SERPINE3: variants seen among roughly 807,000 people sequenced by gnomAD.
SERPINE3 encodes the protein serpin family E member 3, also known as serpin E3.
SERPINE3 carries 43 observed loss-of-function variants against 41.7 expected under a neutral mutation model. That is an observed-to-expected ratio of 1.03 (90% CI 0.81 to 1.33). The LOEUF (loss-of-function observed/expected upper bound fraction) is 1.33. Ranked by LOEUF, SERPINE3 falls within the 40% of genes most tolerant of loss-of-function variation. The probability of loss-of-function intolerance (pLI) is 0.00; values close to 1 mark genes in which losing one functional copy is unlikely to be tolerated. For synonymous variants in SERPINE3, 200 were observed against 192.2 expected, an observed-to-expected ratio of 1.04 and a Z score of -0.34; for missense variants, 440 against 491.7, an observed-to-expected ratio of 0.89 and a Z score of 0.99.
At chr13:51,347,791 T>C (rs1257534216) in intron 5 of SERPINE3, among the ~76,000 whole-genome samples, 6 of 152,190 alleles carry the variant, frequency 3.9e-5, no homozygotes, top group Admixed American at 3.3e-4. Context: ...CTGTCTACAG[T>C]ATGCCCGTTG....
chr13:51,364,248 T>G lies in SERPINE3; in HGVS notation c.1181T>G (p.Phe394Cys). The stretch of plus-strand genomic sequence containing the variant: ...TTCTTTTTCTTGACAGGGTTTGTCT[T>G]CAGTATTGGGAGAGTTTCAAATCCC... Reference protein sequence around the residue: ...FLREPNTGFVFSIGRVSNPLD With the variant: ...FLREPNTGFVCSIGRVSNPLD Residue 394 changes from phenylalanine to cysteine, a missense_variant, in exon 10 of 10, where the codon TTC (phenylalanine) becomes TGC (cysteine). By Grantham distance (205) the Phe-to-Cys change is radical. Coordinates refer to ENST00000681248, the MANE Select transcript of SERPINE3 (RefSeq NM_001386375.1). 1 of 1,458,922 alleles carries G rather than the reference T, an allele frequency of 6.9e-7. No individual in the cohort carries two copies. Among genetic ancestry groups the G allele is most frequent in the Non-Finnish European group, 9.2e-7 (1 of 1,086,400 alleles). 90.4% of individuals were successfully genotyped at this position (1,458,922 alleles called of 1,614,324 possible). A position where few individuals can be genotyped will look rare whatever the true frequency, so the allele number is the denominator to read the frequency against.
rs761990528 is a variant in SERPINE3, at chr13:51,347,189, G to A, written c.655G>A (p.Val219Ile). 1.9e-5 allele frequency: 30 copies of A among 1,613,862 alleles called. No homozygotes were observed. The highest frequency in any genetic ancestry group is 3.3e-5 in the South Asian group (3 of 91,062). Residue 219 changes from valine to isoleucine, a missense_variant, in exon 5 of 10, where the codon GTC (valine) becomes ATC (isoleucine). By Grantham distance (29) the Val-to-Ile change is conservative. Coordinates refer to ENST00000681248, the MANE Select transcript of SERPINE3 (RefSeq NM_001386375.1). ...ILPFTCAYGL[V>I]LQVPMMHQTT... Reference sequence around the variant, plus strand: ...GCCTTTCACCTGTGCCTATGGCCTCGTCCTTCAGGTCCCCATGATGCACCA... The same window carrying A: ...GCCTTTCACCTGTGCCTATGGCCTCATCCTTCAGGTCCCCATGATGCACCA...
intron 6 of SERPINE3, among the ~76,000 whole-genome samples, chr13:51,349,061 C>T (rs9568579): frequency 0.025 from 3,772 of 152,238 alleles, 61 homozygotes; most frequent in South Asian, 0.056. Context: ...CATAACTTTA[C>T]AAAAAGACTC....
intron 6 of SERPINE3, among the ~76,000 whole-genome samples, chr13:51,350,478 C>G (rs972579920): frequency 1.3e-5 from 2 of 152,020 alleles, no homozygotes; most frequent in Admixed American, 1.3e-4. Context: ...ACATAGAAGG[C>G]TGAGCATGAG....
intron 1 of SERPINE3, among the ~76,000 whole-genome samples, 191 bp downstream of exon 1, chr13:51,339,934 A>AAG (rs969743505): frequency 7.3e-5 from 11 of 151,168 alleles, no homozygotes; most frequent in South Asian, 4.2e-4. Flanking sequence ...CATAGAAAGA[A>AAG]AGAGAGAGAG....
intron 7 of SERPINE3, among the ~76,000 whole-genome samples, chr13:51,360,048 C>T (rs1773276404): frequency 6.6e-6 from 1 of 152,082 alleles, no homozygotes; most frequent in African/African-American, 2.4e-5. Flanking sequence ...AGCCAACTCC[C>T]AACATCCTGT....
rs1371925348 is a variant in SERPINE3, at chr13:51,361,321, G to T, written c.1044G>T (p.Lys348Asn). 6.2e-7 allele frequency: 1 copy of T among 1,610,344 alleles called. No homozygotes were observed. The highest frequency in any genetic ancestry group is 2.2e-5 in the East Asian group (1 of 44,778). The change falls in exon 8 of 10, where the codon AAG becomes AAT. Residue 348 changes from lysine (K) to asparagine (N), a missense_variant. Lys to Asn is a moderately conservative substitution (Grantham distance 94). Coordinates refer to ENST00000681248, the MANE Select transcript of SERPINE3 (RefSeq NM_001386375.1). ...FYVSEAIHKA[K>N]IEVLEEGTKA... Reference sequence around the variant, plus strand: ...TTTCTGAAGCAATCCACAAGGCCAAGATTGAAGTTTTGGAGGAAGGCACCA... The same window carrying T: ...TTTCTGAAGCAATCCACAAGGCCAATATTGAAGTTTTGGAGGAAGGCACCA...
chr13:51,347,107 C>T lies in SERPINE3; in HGVS notation c.573C>T (p.Thr191=), dbSNP rs534900582. The T allele has an allele frequency of 3.1e-6, 5 of 1,611,654 alleles. No homozygotes were observed. The highest frequency in any genetic ancestry group is 4.2e-6 in the Non-Finnish European group (5 of 1,178,948). ...AAFAQLVLVS[T]MSFQGTWRKR... ...TTGCTCAGCTTGTGCTTGTGAGCAC[C>T]ATGTCCTTCCAAGGCACTTGGCGAA... is the stretch of plus-strand genomic sequence containing the variant. Residue 191 remains threonine, a synonymous_variant, in exon 5 of 10, where the codon ACC becomes ACT. Coordinates refer to ENST00000681248, the MANE Select transcript of SERPINE3 (RefSeq NM_001386375.1).
chr13:51,361,986 C>T, intron 9 of SERPINE3, 93 bp downstream of exon 9: 1 of 1,610,592 alleles, frequency 6.2e-7, no homozygotes, highest in South Asian at 1.1e-5. Context: ...CAAAAATAAG[C>T]ATTCTTTCTA....
intron 6 of SERPINE3, among the ~76,000 whole-genome samples, chr13:51,352,606 C>T (rs1169039779): frequency 6.6e-6 from 1 of 151,872 alleles, no homozygotes; most frequent in African/African-American, 2.4e-5. Flanking sequence ...TTGTCCTACT[C>T]GCCCTCCAGT....
At chr13:51,352,356 C>T (rs188427980) in intron 6 of SERPINE3, among the ~76,000 whole-genome samples, 3 of 151,554 alleles carry the variant, frequency 2.0e-5, no homozygotes, top group Non-Finnish European at 4.4e-5. Context: ...GTATTTTACT[C>T]CTTTTAATTT....
At chr13:51,350,239 C>T (rs7338174) in intron 6 of SERPINE3, among the ~76,000 whole-genome samples, 9,878 of 151,820 alleles carry the variant, frequency 0.065, 462 homozygotes, top group African/African-American at 0.13. Flanking sequence ...AGATTCTGGA[C>T]GAATTATGGT....
rs1955645897 is a variant in SERPINE3, at chr13:51,364,433, T to G, written c.*151T>G. ...TTATAAACCTAAAAATACTTCAGTT[T>G]TTAAATGTTATAAGTTTATTTTGCC... On this transcript the variant is annotated 3_prime_UTR_variant, in exon 10 of 10. Coordinates refer to ENST00000681248, the MANE Select transcript of SERPINE3 (RefSeq NM_001386375.1). 4.1e-6 allele frequency: 2 copies of G among 491,462 alleles called. No individual in the cohort carries two copies. Among genetic ancestry groups the G allele is most frequent in the Admixed American group, 3.8e-5 (1 of 26,022 alleles). The allele number at this position is 491,462 out of a possible 1,614,324, so 30.4% of individuals were successfully genotyped here.
intron 3 of SERPINE3, 40 bp from the exon 4 acceptor site, chr13:51,344,212 C>A: frequency 6.7e-7 from 1 of 1,482,826 alleles, no homozygotes; most frequent in Non-Finnish European, 9.4e-7. Context: ...TCCTTACTCA[C>A]ACTCACCATT....
chr13:51,339,873 G>C (rs1357536470), intron 1 of SERPINE3, 130 bp downstream of exon 1: 3 of 152,000 alleles, frequency 2.0e-5, no homozygotes, highest in Non-Finnish European at 2.9e-5. Context: ...TGAGAACCCT[G>C]GGGCTTAAGA....
At chr13:51,348,887 G>T (rs1366436088) in intron 6 of SERPINE3, among the ~76,000 whole-genome samples, 1 of 66,092 alleles carries the variant, frequency 1.5e-5, no homozygotes, top group Non-Finnish European at 2.7e-5. Context: ...CCAAATTAAG[G>T]CATAAAATTT....
chr13:51,346,588 T>C (rs1955348250), intron 4 of SERPINE3, among the ~76,000 whole-genome samples: 1 of 152,214 alleles, frequency 6.6e-6, no homozygotes, highest in African/African-American at 2.4e-5. Flanking sequence ...CCACCTCCCC[T>C]GACTGGTCAC....
intron 3 of SERPINE3, among the ~76,000 whole-genome samples, chr13:51,342,312 G>A (rs1181531093): frequency 1.3e-5 from 2 of 152,032 alleles, no homozygotes; most frequent in Non-Finnish European, 2.9e-5. Context: ...GGGCAGTAAA[G>A]CCCCACCACC....
intron 1 of SERPINE3, among the ~76,000 whole-genome samples, chr13:51,339,967 C>T (rs969571560): frequency 2.0e-5 from 3 of 152,118 alleles, no homozygotes; most frequent in African/African-American, 7.2e-5. Context: ...GTACCAAGGT[C>T]ATCCAAGCAC....
Sources: gnomAD v4.1 joint callset for allele counts (sites outside exome capture counted in the v4.1 genomes callset) on GRCh38, gnomAD v4.1.1 for gene constraint, MANE v1.5 for transcripts, NCBI Gene and HGNC (gene_info 2026-07-23, HGNC 2026-07-21) for gene names.